Variants in EXOC4 observed in about 807,000 individuals in gnomAD.
EXOC4 encodes exocyst complex component 4, also known as SEC8-like 1.
Under a neutral mutation model 107.2 loss-of-function variants are expected in EXOC4, and 71 were observed. That is an observed-to-expected ratio of 0.66 (90% CI 0.55 to 0.81). The LOEUF is 0.81. EXOC4 is among the 30% of genes least tolerant of loss of function. The probability of loss-of-function intolerance (pLI) is 0.00; values close to 1 mark genes in which losing one functional copy is unlikely to be tolerated. For synonymous variants in EXOC4, 456 were observed against 441.2 expected (o/e 1.03, Z -0.42); for missense variants, 1,108 against 1,189.6 (o/e 0.93, Z 1.01).
chr7:133,309,910 A>G (rs967776298), intron 4 of EXOC4, among the ~76,000 whole-genome samples: 4 of 152,164 alleles, frequency 2.6e-5, no homozygotes, highest in Non-Finnish European at 5.9e-5. Flanking sequence ...ACTGCATTCC[A>G]GCCTGGGTGA....
At chr7:133,718,568 G>A (rs552546884) in intron 10 of EXOC4, among the ~76,000 whole-genome samples, 143 of 152,168 alleles carry the variant, frequency 9.4e-4, no homozygotes, top group African/African-American at 3.3e-3. Flanking sequence ...CACTACCGAG[G>A]TTAAGAATTT....
chr7:133,326,972 T>C (rs1795259905), intron 5 of EXOC4, among the ~76,000 whole-genome samples: 1 of 152,206 alleles, frequency 6.6e-6, no homozygotes, highest in South Asian at 2.1e-4. Context: ...GTGCTAGCAA[T>C]GAGTGAGGCT....
chr7:133,922,848 C>CAA (rs1308126551), intron 13 of EXOC4, among the ~76,000 whole-genome samples: 25 of 120,298 alleles, frequency 2.1e-4, no homozygotes, highest in African/African-American at 7.3e-4. Flanking sequence ...GACTCCGTCT[C>CAA]AAAAAAAAAA....
intron 10 of EXOC4, among the ~76,000 whole-genome samples, chr7:133,637,052 A>G (rs1028754347): frequency 1.3e-4 from 20 of 152,230 alleles, no homozygotes; most frequent in Non-Finnish European, 2.2e-4. Context: ...TGTTTGTGAA[A>G]TAGCTTTGAA....
rs140526066 is a variant in EXOC4 at position 133,647,347 on chromosome 7, A to G, written c.1514+17206A>G. 2.2e-3 allele frequency among the ~76,000 whole-genome samples: 336 copies of G among 152,296 alleles called. 2 individuals carry two copies. Among genetic ancestry groups the G allele is most frequent in the Admixed American group, 0.01 (156 of 15,298 alleles). On this transcript the variant is annotated intron_variant, in intron 10 of 17. Transcript: ENST00000253861. ...AGGTCACAATCAACTCAAATAAATA[A>G]TAATAAGAGCTAAAATGATTGAGCC...
chr7:133,765,601 T>C (rs1316992105), intron 10 of EXOC4, among the ~76,000 whole-genome samples: 1 of 152,030 alleles, frequency 6.6e-6, no homozygotes, highest in Non-Finnish European at 1.5e-5. Context: ...AAGATCTTTG[T>C]GTAGCATAGC....
chr7:133,306,030 G>A lies in EXOC4; in HGVS notation c.625G>A (p.Val209Met). The A allele has an allele frequency of 1.9e-6, 3 of 1,612,972 alleles. No individual in the cohort carries two copies. The highest frequency in any genetic ancestry group is 2.5e-6 in the Non-Finnish European group (3 of 1,179,456). ...HLYIKSTSRV[V>M]QRNKEKGKIS... Reference sequence around the variant, plus strand: ...GTACATCAAATCGACTAGCCGAGTTGTGCAGCGTAACAAGGAAAAAGGGAA... The same window carrying A: ...GTACATCAAATCGACTAGCCGAGTTATGCAGCGTAACAAGGAAAAAGGGAA... The change falls in exon 4 of 18, where the codon GTG becomes ATG. Residue 209 changes from valine (V) to methionine (M), a missense_variant. Physicochemically the swap from Val to Met is conservative, Grantham distance 21 (BLOSUM62 1). Transcript: ENST00000253861.
chr7:133,444,113 T>C (rs1346272566), intron 7 of EXOC4, among the ~76,000 whole-genome samples: 1 of 152,148 alleles, frequency 6.6e-6, no homozygotes, highest in African/African-American at 2.4e-5. Context: ...TGATTGTGCA[T>C]AGCCATGGGT....
chr7:133,800,132 C>T (rs1275573293), intron 10 of EXOC4, among the ~76,000 whole-genome samples: 1 of 145,008 alleles, frequency 6.9e-6, no homozygotes, highest in Non-Finnish European at 1.5e-5. Context: ...AGAGTCTCAG[C>T]TTAGCACTCT....
chr7:133,448,552 G>T (rs547878483), intron 7 of EXOC4, among the ~76,000 whole-genome samples: 47 of 152,096 alleles, frequency 3.1e-4, no homozygotes, highest in African/African-American at 1.1e-3. Flanking sequence ...AAGTGATCTT[G>T]CCACTTCACC....
chr7:133,564,982 CAT>C (rs1800878331), intron 9 of EXOC4, among the ~76,000 whole-genome samples: 1 of 152,072 alleles, frequency 6.6e-6, no homozygotes, highest in Non-Finnish European at 1.5e-5. Flanking sequence ...CGGGGTCTAA[CAT>C]GTGAGAGTGG....
intron 10 of EXOC4, among the ~76,000 whole-genome samples, chr7:133,715,673 C>A (rs1047147222): frequency 7.2e-5 from 11 of 152,140 alleles, no homozygotes; most frequent in Non-Finnish European, 1.6e-4. Context: ...GAATTCAAAG[C>A]TGACCACTTT....
chr7:134,063,993 T>C (rs991453456), intron 17 of EXOC4, among the ~76,000 whole-genome samples: 1 of 152,060 alleles, frequency 6.6e-6, no homozygotes, highest in African/African-American at 2.4e-5. Context: ...TTCTTTCCTT[T>C]CTCCCAAGGT....
chr7:133,338,039 G>A (rs1021953595), intron 5 of EXOC4, among the ~76,000 whole-genome samples: 2 of 150,126 alleles, frequency 1.3e-5, no homozygotes, highest in African/African-American at 4.9e-5. Context: ...GAAATAACTA[G>A]GATTTTGATT....
chr7:133,725,462 G>A (rs532298184), intron 10 of EXOC4, among the ~76,000 whole-genome samples: 5 of 152,176 alleles, frequency 3.3e-5, no homozygotes, highest in African/African-American at 4.8e-5. Context: ...TGAAACCTCC[G>A]CCTCCTGGGT....
At chr7:133,985,493 C>CT (rs555130432) in intron 14 of EXOC4, among the ~76,000 whole-genome samples, 16 of 152,314 alleles carry the variant, frequency 1.1e-4, no homozygotes, top group Middle Eastern at 6.8e-3. Context: ...TGCTGTGACT[C>CT]TAAGATTGCT....
chr7:133,468,393 G>GA (rs1489833734), intron 7 of EXOC4, among the ~76,000 whole-genome samples: 1 of 151,628 alleles, frequency 6.6e-6, no homozygotes, highest in South Asian at 2.1e-4. Flanking sequence ...CTGCTCTATT[G>GA]AAAAAAATAA....
At chr7:133,552,940 G>T (rs1332422565) in intron 9 of EXOC4, among the ~76,000 whole-genome samples, 2 of 152,058 alleles carry the variant, frequency 1.3e-5, no homozygotes, top group Admixed American at 1.3e-4. Flanking sequence ...AATAAAGGAA[G>T]GAGGAGGACT....
In EXOC4 at chr7:133,620,703, A is replaced by G. The variant is rs140532911; in HGVS notation, c.1418-9342A>G. ...TTATGCTTAGTGAAAAAAGAATGAA[A>G]TGTAATTAGAAGTAGGGTTCCCCAG... On this transcript the variant is annotated intron_variant, in intron 9 of 17. Transcript: ENST00000253861. 3.1e-3 allele frequency among the ~76,000 whole-genome samples: 479 copies of G among 152,328 alleles called. 4 individuals are homozygous for G. The highest frequency in any genetic ancestry group is 0.011 in the African/African-American group (453 of 41,584).
Sources: allele counts gnomAD v4.1 joint callset (sites outside exome capture counted in the v4.1 genomes callset), GRCh38; gene constraint gnomAD v4.1.1; transcripts MANE v1.5; gene names NCBI Gene and HGNC (gene_info 2026-07-23, HGNC 2026-07-21).